PEBP4: variants seen among roughly 807,000 people sequenced by gnomAD.
PEBP4 encodes the protein phosphatidylethanolamine binding protein 4, also known as phosphatidylethanolamine-binding protein 4.
In PEBP4, 22 loss-of-function variants were observed where a neutral mutation model predicts 23.9. The observed-to-expected ratio is 0.92, with a 90% CI of 0.66 to 1.31. PEBP4 has a LOEUF of 1.31. Among genes scored for constraint, PEBP4 ranks in the 40% most tolerant of loss-of-function variants. The probability of loss-of-function intolerance (pLI) is 0.00; values close to 1 mark genes in which losing one functional copy is unlikely to be tolerated. For synonymous variants in PEBP4, 112 were observed against 99.3 expected (o/e 1.13, Z -0.76); for missense variants, 324 against 281.7 (o/e 1.15, Z -1.07).
intron 4 of PEBP4, among the ~76,000 whole-genome samples, chr8:22,790,443 C>G (rs115039052): frequency 6.6e-6 from 1 of 152,298 alleles, no homozygotes; most frequent in South Asian, 2.1e-4. Flanking sequence ...GGATTTGAAC[C>G]GTGCCTTGGC....
At chr8:22,789,228 T>C (rs946390502) in intron 4 of PEBP4, among the ~76,000 whole-genome samples, 1 of 152,170 alleles carries the variant, frequency 6.6e-6, no homozygotes, top group African/African-American at 2.4e-5. Flanking sequence ...AATTTTTAAG[T>C]CATTAGGATG....
At chr8:22,881,803 G>A (rs977134594) in intron 3 of PEBP4, among the ~76,000 whole-genome samples, 1 of 152,186 alleles carries the variant, frequency 6.6e-6, no homozygotes, top group African/African-American at 2.4e-5. Context: ...GGGAGGCCAC[G>A]CTCCATTACT....
At chr8:22,807,364 T>C (rs1395829279) in intron 4 of PEBP4, among the ~76,000 whole-genome samples, 1 of 152,118 alleles carries the variant, frequency 6.6e-6, no homozygotes, top group East Asian at 1.9e-4. Context: ...AGTAACACAC[T>C]GGGGAGAGGG....
chr8:22,757,214 G>A (rs1482106896), intron 4 of PEBP4: 29 of 152,204 alleles, frequency 1.9e-4, no homozygotes, highest in Admixed American at 1.9e-3. Flanking sequence ...AGAAAACTGA[G>A]GCTGAAAGCC....
chr8:22,766,932 C>A (rs888048239), intron 4 of PEBP4, among the ~76,000 whole-genome samples: 1 of 152,204 alleles, frequency 6.6e-6, no homozygotes, highest in African/African-American at 2.4e-5. Context: ...AGTTATGGGA[C>A]CTCCCCATGC....
rs375024531 is a variant in PEBP4, at chr8:22,802,494, C to T, written c.357+15143G>A. ...CCTCGCCCCTGCTCAAGGGCCCACT[C>T]TGGTCTTCTGTGGTCTGTAGCTGAG... On this transcript the variant is annotated intron_variant, in intron 4 of 6. Transcript: ENST00000256404. 3.3e-5 allele frequency among the ~76,000 whole-genome samples: 5 copies of T among 152,372 alleles called. 1 individual carries two copies. Among genetic ancestry groups the T allele is most frequent in the African/African-American group, 1.2e-4 (5 of 41,580 alleles).
rs1563226284 is a variant in PEBP4, at chr8:22,817,689, C to T, written c.305G>A (p.Arg102Lys). ...CCAGAATCTCTGTCTGGGTTCTGCT[C>T]TGCTAGGGGCATCTGGATCCACCAT... ...LVMVDPDAPS[R>K]AEPRQRFWRH... Residue 102 changes from arginine (R) to lysine (K), a missense_variant, in exon 4 of 7, where the codon AGA (arginine) becomes AAA (lysine). Transcript: ENST00000256404. 4 of 1,614,206 alleles carry T rather than the reference C, an allele frequency of 2.5e-6. No individual in the cohort carries two copies. Among genetic ancestry groups the T allele is most frequent in the Non-Finnish European group, 3.4e-6 (4 of 1,180,036 alleles).
At chr8:22,783,567 A>G (rs1805970655) in intron 4 of PEBP4, among the ~76,000 whole-genome samples, 2 of 152,340 alleles carry the variant, frequency 1.3e-5, no homozygotes, top group South Asian at 2.1e-4. Flanking sequence ...GGATTCAGCT[A>G]GGATCCAACT....
chr8:22,855,418 C>A (rs1274112260), intron 3 of PEBP4, among the ~76,000 whole-genome samples: 1 of 152,158 alleles, frequency 6.6e-6, no homozygotes, highest in African/African-American at 2.4e-5. Context: ...CAGATTGTCA[C>A]CAAGACTAGA....
intron 3 of PEBP4, among the ~76,000 whole-genome samples, chr8:22,870,115 C>A (rs1807979858): frequency 6.6e-6 from 1 of 152,248 alleles, no homozygotes; most frequent in South Asian, 2.1e-4. Flanking sequence ...ACCAGCCAGC[C>A]TGGAACAAAT....
rs1459217252 is a variant in PEBP4, at chr8:22,865,482, G to GCGC, written c.259-47748_259-47747insGCG. On this transcript the variant is annotated intron_variant, in intron 3 of 6. Transcript: ENST00000256404. The surrounding 1 kb of genome is among the most constrained non-coding windows in gnomAD (Gnocchi z 6.9). Reference sequence around the variant, plus strand: ...CCGCCGCGAGGTGGAGCGCGCCACCGCCCCCCCGGCCGCGCAGCGAGAAGG... The same window carrying GCGC: ...CCGCCGCGAGGTGGAGCGCGCCACCGCGCCCCCCCCGGCCGCGCAGCGAGAAGG... 6.6e-6 allele frequency among the ~76,000 whole-genome samples: 1 copy of GCGC among 151,584 alleles called. No homozygotes were observed. Among genetic ancestry groups the GCGC allele is most frequent in the Non-Finnish European group, 1.5e-5 (1 of 67,890 alleles).
At chr8:22,868,176 T>C (rs983980571) in intron 3 of PEBP4, among the ~76,000 whole-genome samples, 1 of 152,234 alleles carries the variant, frequency 6.6e-6, no homozygotes, top group Admixed American at 6.5e-5. Flanking sequence ...TGAGCATCTT[T>C]GCAGGTCAGA....
At chr8:22,924,885 G>A (rs1563263672) in intron 2 of PEBP4, 1 of 985,240 alleles carries the variant, frequency 1.0e-6, no homozygotes, top group Non-Finnish European at 1.2e-6. Context: ...TCTTAACAAT[G>A]TCTCACAGCT....
intron 3 of PEBP4, among the ~76,000 whole-genome samples, chr8:22,869,504 T>G (rs1374902652): frequency 6.6e-6 from 1 of 152,184 alleles, no homozygotes; most frequent in Non-Finnish European, 1.5e-5. Context: ...TACAGGCTCA[T>G]GGACTTTCCC....
chr8:22,924,553 C>T (rs1464452265), intron 2 of PEBP4: 1 of 624,284 alleles, frequency 1.6e-6, no homozygotes, highest in East Asian at 1.4e-4. Flanking sequence ...TGGATCCGCA[C>T]TACAACAGGT....
chr8:22,940,179 A>G (rs1040888797), intron 1 of PEBP4, among the ~76,000 whole-genome samples: 1 of 152,146 alleles, frequency 6.6e-6, no homozygotes, highest in African/African-American at 2.4e-5. Context: ...ATTTCTCAGG[A>G]TGGGAGGAAA....
Position 22,927,696 on chromosome 8 carries a change from G to T in PEBP4, c.19C>A (p.Leu7Met). ...CCCAGTAACAGTGCTGCTGTGACCAGCCTCATTGTCCAACCCATGGGCACC... is the reference window on the plus strand; with the variant it reads ...CCCAGTAACAGTGCTGCTGTGACCATCCTCATTGTCCAACCCATGGGCACC... MGWTMRLVTAALLLGLM... is the reference protein window; with the variant it reads MGWTMRMVTAALLLGLM... Residue 7 changes from leucine (L) to methionine (M), a missense_variant, in exon 2 of 7, where the codon CTG (leucine) becomes ATG (methionine). Physicochemically the swap from Leu to Met is conservative, Grantham distance 15. Coordinates refer to ENST00000256404, the MANE Select transcript of PEBP4 (RefSeq NM_144962.3). 6.2e-7 allele frequency: 1 copy of T among 1,613,774 alleles called. No individual in the cohort carries two copies. Among genetic ancestry groups the T allele is most frequent in the Non-Finnish European group, 8.5e-7 (1 of 1,179,810 alleles).
intron 3 of PEBP4, among the ~76,000 whole-genome samples, chr8:22,871,724 T>C (rs1192736054): frequency 6.6e-6 from 1 of 151,944 alleles, no homozygotes; most frequent in African/African-American, 2.4e-5. Context: ...CCAGCTAATT[T>C]TCGTATTTTT....
intron 4 of PEBP4, among the ~76,000 whole-genome samples, chr8:22,764,164 T>C (rs546397019): frequency 4.3e-4 from 65 of 152,290 alleles, no homozygotes; most frequent in Non-Finnish European, 7.1e-4. Flanking sequence ...ACATACTCTA[T>C]AGCACCCATT....
Sources: allele counts gnomAD v4.1 joint callset (sites outside exome capture counted in the v4.1 genomes callset), GRCh38; gene constraint gnomAD v4.1.1; non-coding constraint Gnocchi (gnomAD v3.1); transcripts MANE v1.5; gene names NCBI Gene and HGNC (gene_info 2026-07-23, HGNC 2026-07-21).